RNF150: variants seen among roughly 807,000 people sequenced by gnomAD.
RNF150 encodes ring finger protein 150.
RNF150 carries 24 observed loss-of-function variants against 39.3 expected under a neutral mutation model. The observed-to-expected ratio is 0.61, with a 90% confidence interval of 0.44 to 0.86. The LOEUF (loss-of-function observed/expected upper bound fraction) is 0.86. Ranked by LOEUF, RNF150 falls within the 40% of genes least tolerant of loss-of-function variation. The pLI is 0.00. For missense variants in RNF150, 502 were observed against 587.8 expected (o/e 0.85, Z 1.51); for synonymous variants, 255 against 227.3 (o/e 1.12, Z -1.10).
intron 1 of RNF150, among the ~76,000 whole-genome samples, chr4:140,998,722 G>C (rs1210958270): frequency 6.6e-6 from 1 of 152,088 alleles, no homozygotes; most frequent in African/African-American, 2.4e-5. Flanking sequence ...AGGAGTCCAG[G>C]GTCCTAGTTC....
chr4:140,934,666 G>A (rs73857139), intron 4 of RNF150, among the ~76,000 whole-genome samples: 5,035 of 151,986 alleles, frequency 0.033, 291 homozygotes, highest in African/African-American at 0.11. Flanking sequence ...TAGAGTGAGA[G>A]GGGGTTTCTG....
chr4:141,090,341 G>A (rs1049138278), intron 1 of RNF150, among the ~76,000 whole-genome samples: 1 of 152,108 alleles, frequency 6.6e-6, no homozygotes. Context: ...CTAAGCTTAA[G>A]ACTAATAACT....
intron 1 of RNF150, among the ~76,000 whole-genome samples, chr4:141,201,598 A>G (rs144178602): frequency 3.3e-5 from 5 of 150,158 alleles, no homozygotes; most frequent in Non-Finnish European, 7.4e-5. Flanking sequence ...CATTGTCTCC[A>G]TGAAAAGGAG....
At chr4:140,932,850 C>T (rs1731705464) in intron 4 of RNF150, among the ~76,000 whole-genome samples, 1 of 152,206 alleles carries the variant, frequency 6.6e-6, no homozygotes, top group African/African-American at 2.4e-5. Flanking sequence ...TAATTGCTGA[C>T]CTATCAATTA....
intron 1 of RNF150, among the ~76,000 whole-genome samples, chr4:141,180,651 A>G (rs1336708323): frequency 3.3e-5 from 5 of 152,168 alleles, no homozygotes; most frequent in Non-Finnish European, 5.9e-5. Context: ...GTTTGGTGCC[A>G]TACTCCTCAT....
intron 1 of RNF150, among the ~76,000 whole-genome samples, chr4:141,122,918 T>C (rs1288851336): frequency 6.6e-6 from 1 of 152,208 alleles, no homozygotes; most frequent in Admixed American, 6.5e-5. Flanking sequence ...AGTAAACACA[T>C]GCACAGAATT....
At chr4:141,177,666 TCA>T (rs1319077748) in intron 1 of RNF150, among the ~76,000 whole-genome samples, 1 of 152,172 alleles carries the variant, frequency 6.6e-6, no homozygotes, top group Non-Finnish European at 1.5e-5. Context: ...ATATTATTTT[TCA>T]CACTCAGTTC....
At position 140,865,718 on chromosome 4, in the gene RNF150, G is replaced by C. The variant is rs1728679924; in HGVS notation, c.*2543C>G. The C allele has an allele frequency of 6.6e-6, 1 of 152,510 alleles. No homozygotes were observed. Among genetic ancestry groups the C allele is most frequent in the African/African-American group, 2.4e-5 (1 of 41,418 alleles). The allele number at this position is 152,510 out of a possible 1,614,324, so 9.4% of individuals were successfully genotyped here. A position where few individuals can be genotyped will look rare whatever the true frequency, so the allele number is the denominator to read the frequency against. On this transcript the variant is annotated 3_prime_UTR_variant, in exon 7 of 7. Coordinates refer to ENST00000515673, the MANE Select transcript of RNF150 (RefSeq NM_020724.2). ...TTTCAGACCCCTCATCGTCTATGAGGCATCCTGTAAGTGCAGCTGTGGCCA... is the reference window on the plus strand; with the variant it reads ...TTTCAGACCCCTCATCGTCTATGAGCCATCCTGTAAGTGCAGCTGTGGCCA...
At chr4:141,110,132 T>A (rs1739339834) in intron 1 of RNF150, among the ~76,000 whole-genome samples, 1 of 152,194 alleles carries the variant, frequency 6.6e-6, no homozygotes, top group Admixed American at 6.5e-5. Context: ...TATTTAGGAC[T>A]GTTATGTCAA....
chr4:141,027,926 G>GT (rs61543533), intron 1 of RNF150, among the ~76,000 whole-genome samples: 3,252 of 68,868 alleles, frequency 0.047, 378 homozygotes, highest in African/African-American at 0.062. Flanking sequence ...TTTTTTTTTT[G>GT]TTTTTTTTTT....
chr4:141,054,976 T>C (rs1350358192), intron 1 of RNF150, among the ~76,000 whole-genome samples: 5 of 152,144 alleles, frequency 3.3e-5, no homozygotes, highest in Non-Finnish European at 7.4e-5. Context: ...TACTTTAAAA[T>C]TCACACACAT....
chr4:141,116,004 C>A (rs527517400), intron 1 of RNF150, among the ~76,000 whole-genome samples: 84 of 152,156 alleles, frequency 5.5e-4, no homozygotes, highest in African/African-American at 1.9e-3. Context: ...AGATGGATTA[C>A]AGACTTTAAC....
At chr4:140,876,638 A>G (rs764682675) in intron 6 of RNF150, among the ~76,000 whole-genome samples, 1 of 152,196 alleles carries the variant, frequency 6.6e-6, no homozygotes, top group East Asian at 1.9e-4. Context: ...CACCCTCACA[A>G]TAATACCGCT....
At chr4:141,000,087 G>GGAGA (rs1734602699) in intron 1 of RNF150, among the ~76,000 whole-genome samples, 6 of 35,926 alleles carry the variant, frequency 1.7e-4, no homozygotes, top group Admixed American at 2.9e-4. Flanking sequence ...GAAGAAGAAG[G>GGAGA]AGAAGAAGAA....
At position 141,208,349 on chromosome 4, in the gene RNF150, A is replaced by G. The variant is rs562332518; in HGVS notation, c.-6+4445T>C. On this transcript the variant is annotated intron_variant, in intron 1 of 7. Transcript: ENST00000420921. ...TCCCATTGCATTGATACCCATAGGC[A>G]GAAAATTAAGCAAGGAAAAAAAAAG... Among the ~76,000 whole-genome samples, 5 of 152,302 alleles carry G rather than the reference A, an allele frequency of 3.3e-5. No individual in the cohort carries two copies. In the East Asian group the frequency reaches 9.6e-4, roughly 29 times the overall value.
intron 6 of RNF150, among the ~76,000 whole-genome samples, chr4:140,886,565 C>T (rs1436540398): frequency 1.3e-5 from 2 of 152,172 alleles, no homozygotes; most frequent in South Asian, 4.1e-4. Flanking sequence ...AATATTTTCT[C>T]TCAGCTTGAG....
intron 6 of RNF150, among the ~76,000 whole-genome samples, chr4:140,901,827 T>C (rs1578946371): frequency 6.6e-6 from 1 of 152,136 alleles, no homozygotes; most frequent in Non-Finnish European, 1.5e-5. Context: ...TCTCAGAGAA[T>C]ACAGCAGATG....
At chr4:140,937,925 T>C (rs2111350141) in intron 4 of RNF150, among the ~76,000 whole-genome samples, 1 of 152,270 alleles carries the variant, frequency 6.6e-6, no homozygotes, top group South Asian at 2.1e-4. Context: ...TTTCTGTCGC[T>C]CTTTTCAAAA....
chr4:141,164,547 C>T (rs1727568508), intron 1 of RNF150, among the ~76,000 whole-genome samples: 1 of 152,094 alleles, frequency 6.6e-6, no homozygotes, highest in South Asian at 2.1e-4. Flanking sequence ...TTATAGGCAT[C>T]CAGAGAGAAA....
Sources: gnomAD v4.1 joint callset for allele counts (sites outside exome capture counted in the v4.1 genomes callset) on GRCh38, gnomAD v4.1.1 for gene constraint, MANE v1.5 for transcripts, NCBI Gene and HGNC (gene_info 2026-07-23, HGNC 2026-07-21) for gene names.